PRKCB: variants seen among roughly 807,000 people sequenced by gnomAD.
PRKCB encodes protein kinase C beta type.
A neutral mutation model predicts 81.5 loss-of-function variants in PRKCB; 13 were observed. The observed-to-expected ratio is 0.16, with a 90% CI of 0.10 to 0.25. PRKCB has a LOEUF of 0.25. Among genes scored for constraint, PRKCB ranks in the 10% least tolerant of loss-of-function variants. The pLI, the probability that PRKCB is intolerant of heterozygous loss-of-function variation, is 1.00. For missense variants in PRKCB, 509 were observed against 875.7 expected, an observed-to-expected ratio of 0.58 and a Z score of 5.29; for synonymous variants, 335 against 321.4, an observed-to-expected ratio of 1.04 and a Z score of -0.45.
intron 2 of PRKCB, among the ~76,000 whole-genome samples, chr16:23,927,540 G>A (rs1455376113): frequency 2.0e-5 from 3 of 152,040 alleles, no homozygotes; most frequent in African/African-American, 4.8e-5. Context: ...TCTGGCTGCC[G>A]TTAAAAATGA....
intron 9 of PRKCB, among the ~76,000 whole-genome samples, chr16:24,138,847 T>A (rs931720265): frequency 5.5e-5 from 4 of 72,622 alleles, no homozygotes; most frequent in Non-Finnish European, 1.2e-4. Flanking sequence ...GTATTTGTCT[T>A]TTTTTTTTTT....
At chr16:23,907,982 A>G (rs924680281) in intron 2 of PRKCB, among the ~76,000 whole-genome samples, 3 of 152,176 alleles carry the variant, frequency 2.0e-5, no homozygotes, top group South Asian at 2.1e-4. Context: ...AAAAGAGTCC[A>G]TGGGTGTATT....
intron 9 of PRKCB, among the ~76,000 whole-genome samples, chr16:24,126,732 C>T (rs1966844956): frequency 6.6e-6 from 1 of 151,992 alleles, no homozygotes; most frequent in South Asian, 2.1e-4. Flanking sequence ...GACAGGGTTT[C>T]ACCATGTTGA....
intron 8 of PRKCB, among the ~76,000 whole-genome samples, chr16:24,114,766 C>G (rs1442687210): frequency 6.6e-6 from 1 of 151,892 alleles, no homozygotes; most frequent in Non-Finnish European, 1.5e-5. Flanking sequence ...CCATGATGGC[C>G]TACTAACTCC....
In PRKCB at chr16:24,215,658, G is replaced by GA. The variant is rs879154943; in HGVS notation, c.*851dup. On this transcript the variant is annotated 3_prime_UTR_variant, in exon 17 of 17. Transcript: ENST00000643927. ...CAAATGCAAAAAAAAGAAAAAAAAA[G>GA]AAAAAAAAAGGTGACTCACATTGTT... 103 of 972,224 alleles carry GA rather than the reference G, an allele frequency of 1.1e-4. No homozygotes were observed. The South Asian group carries it at 1.5e-3, about 14-fold the overall frequency. 60.2% of individuals were successfully genotyped at this position (972,224 alleles called of 1,614,324 possible). A position where few individuals can be genotyped will look rare whatever the true frequency, so the allele number is the denominator to read the frequency against.
At chr16:24,004,490 A>AG (rs1162759498) in intron 3 of PRKCB, among the ~76,000 whole-genome samples, 1 of 151,106 alleles carries the variant, frequency 6.6e-6, no homozygotes, top group East Asian at 1.9e-4. Context: ...AAAAAAAAAA[A>AG]AAAAAAAAGA....
intron 2 of PRKCB, among the ~76,000 whole-genome samples, chr16:23,882,863 C>T (rs1481775271): frequency 2.0e-5 from 3 of 151,232 alleles, no homozygotes; most frequent in African/African-American, 7.3e-5. Context: ...GCTGAGATTA[C>T]AGGTGTGAAC....
chr16:24,088,683 C>G (rs577073603), intron 5 of PRKCB, among the ~76,000 whole-genome samples: 79 of 145,040 alleles, frequency 5.4e-4, no homozygotes, highest in Non-Finnish European at 8.3e-4. Context: ...GAGCCGTGAT[C>G]GCGCCACCGC....
intron 2 of PRKCB, among the ~76,000 whole-genome samples, chr16:23,877,606 C>T (rs923954141): frequency 2.6e-5 from 4 of 152,184 alleles, no homozygotes; most frequent in African/African-American, 9.7e-5. Context: ...TCAAAACTCT[C>T]TTTCTGTGCA....
chr16:23,980,227 T>C (rs1964677283), intron 2 of PRKCB, among the ~76,000 whole-genome samples: 1 of 152,256 alleles, frequency 6.6e-6, no homozygotes, highest in African/African-American at 2.4e-5. Context: ...AGACCAGCCA[T>C]TGGGCAGAAA....
chr16:24,035,943 C>T (rs1023149353), intron 5 of PRKCB, among the ~76,000 whole-genome samples: 3 of 152,134 alleles, frequency 2.0e-5, no homozygotes, highest in Non-Finnish European at 4.4e-5. Flanking sequence ...GGGAAGCTTG[C>T]TTCTTCCGCA....
intron 2 of PRKCB, among the ~76,000 whole-genome samples, chr16:23,866,077 A>T (rs1962785687): frequency 6.6e-6 from 1 of 152,156 alleles, no homozygotes; most frequent in Admixed American, 6.5e-5. Flanking sequence ...GCAGTTGTTA[A>T]CTTGATTGAT....
At chr16:24,119,984 G>A (rs1292997182) in intron 8 of PRKCB, among the ~76,000 whole-genome samples, 1 of 152,176 alleles carries the variant, frequency 6.6e-6, no homozygotes, top group Non-Finnish European at 1.5e-5. Context: ...CAGGAGACGG[G>A]ATAAACATCA....
At chr16:23,859,461 T>C (rs1379909520) in intron 2 of PRKCB, among the ~76,000 whole-genome samples, 1 of 152,180 alleles carries the variant, frequency 6.6e-6, no homozygotes, top group African/African-American at 2.4e-5. Flanking sequence ...CTGCTTTCTG[T>C]CCTCAAGCAG....
chr16:24,137,779 A>G (rs1467106365), intron 9 of PRKCB, among the ~76,000 whole-genome samples: 13 of 152,234 alleles, frequency 8.5e-5, no homozygotes, highest in Non-Finnish European at 1.5e-5. Context: ...AACAAACATA[A>G]TGGCAGAAAT....
At chr16:23,931,929 A>G (rs531500620) in intron 2 of PRKCB, among the ~76,000 whole-genome samples, 3 of 151,740 alleles carry the variant, frequency 2.0e-5, no homozygotes, top group South Asian at 4.1e-4. Context: ...CAGACACCAT[A>G]TAATTTCAGT....
chr16:24,194,579 AT>A (rs140717025), intron 16 of PRKCB, among the ~76,000 whole-genome samples: 3,015 of 152,284 alleles, frequency 0.02, 135 homozygotes, highest in East Asian at 0.18. Context: ...CCGGTTAAAT[AT>A]TTTGAATAGC....
chr16:24,049,287 C>G (rs1965809752), intron 5 of PRKCB, among the ~76,000 whole-genome samples: 2 of 151,820 alleles, frequency 1.3e-5, no homozygotes, highest in Non-Finnish European at 2.9e-5. Flanking sequence ...GCACCCTTTA[C>G]CACTACCCTG....
intron 2 of PRKCB, among the ~76,000 whole-genome samples, chr16:23,897,127 G>A (rs1597233975): frequency 6.6e-6 from 1 of 152,220 alleles, no homozygotes; most frequent in East Asian, 1.9e-4. Context: ...GCCTAGTTGT[G>A]TACATGGGAT....
Sources: gnomAD v4.1 joint callset for allele counts (sites outside exome capture counted in the v4.1 genomes callset) on GRCh38, gnomAD v4.1.1 for gene constraint, MANE v1.5 for transcripts, NCBI Gene and HGNC (gene_info 2026-07-23, HGNC 2026-07-21) for gene names.